Variants in DNAH5 observed in about 807,000 individuals in gnomAD.
The protein encoded by DNAH5 is axonemal beta dynein heavy chain 5.
Under a neutral mutation model 518.2 loss-of-function variants are expected in DNAH5, and 372 were observed. That is an observed-to-expected ratio of 0.72 (90% CI 0.66 to 0.78). The LOEUF (loss-of-function observed/expected upper bound fraction) is 0.78. Among genes scored for constraint, DNAH5 ranks in the 30% least tolerant of loss-of-function variants. The pLI is 0.00. For synonymous variants in DNAH5, 2,039 were observed against 2,025.9 expected, an observed-to-expected ratio of 1.01 and a Z score of -0.17; for missense variants, 5,523 against 5,687.0, an observed-to-expected ratio of 0.97 and a Z score of 0.93.
intron 1 of DNAH5, among the ~76,000 whole-genome samples, chr5:13,988,418 T>A (rs1308980774): frequency 3.9e-4 from 19 of 48,552 alleles, no homozygotes; most frequent in South Asian, 1.2e-3. Context: ...AAACACCAAT[T>A]TTTTTTTTTT....
Position 13,817,544 on chromosome 5 carries a change from C to T in DNAH5, c.6988+4G>A. The T allele has an allele frequency of 6.2e-7, 1 of 1,613,902 alleles. No individual in the cohort carries two copies. The highest frequency in any genetic ancestry group is 8.5e-7 in the Non-Finnish European group (1 of 1,179,788). ...AAAAATAATCCTTGTAATTTATCTT[C>T]TACCTTTCTTTGCTCTTAATGTTTT... On this transcript the variant is annotated splice_donor_region_variant and intron_variant, in intron 42 of 78. Coordinates refer to ENST00000265104, the MANE Select transcript of DNAH5 (RefSeq NM_001369.3).
At chr5:13,827,013 A>C (rs1762969521) in intron 38 of DNAH5, among the ~76,000 whole-genome samples, 1 of 152,172 alleles carries the variant, frequency 6.6e-6, no homozygotes, top group Non-Finnish European at 1.5e-5. Flanking sequence ...GTCTCAGATA[A>C]AGATGGGGAA....
At chr5:13,959,826 G>A (rs2076629008) in intron 1 of DNAH5, among the ~76,000 whole-genome samples, 3 of 152,144 alleles carry the variant, frequency 2.0e-5, no homozygotes, top group Admixed American at 2.0e-4. Flanking sequence ...AATTAGCCAG[G>A]CGTGGTGACA....
At chr5:13,744,488 T>C (rs925904278) in intron 65 of DNAH5, among the ~76,000 whole-genome samples, 1 of 152,036 alleles carries the variant, frequency 6.6e-6, no homozygotes, top group Admixed American at 6.6e-5. Flanking sequence ...AGGAGAATAT[T>C]GAATGTTCCC....
At chr5:13,756,427 G>A (rs1751009065) in intron 61 of DNAH5, among the ~76,000 whole-genome samples, 1 of 152,204 alleles carries the variant, frequency 6.6e-6, no homozygotes, top group African/African-American at 2.4e-5. Context: ...GTGGTCCCAT[G>A]ATTATTTACC....
chr5:13,760,277 C>T (rs1751599653), intron 60 of DNAH5, among the ~76,000 whole-genome samples: 1 of 152,210 alleles, frequency 6.6e-6, no homozygotes, highest in African/African-American at 2.4e-5. Context: ...CAAAATCCTT[C>T]AAACCCAATT....
chr5:13,777,447 A>G (rs1754276071), intron 53 of DNAH5, 92 bp from the exon 54 acceptor site: 5 of 1,167,148 alleles, frequency 4.3e-6, no homozygotes, highest in Non-Finnish European at 6.3e-6. Context: ...TTAGCTAACA[A>G]AAAAATGCTG....
chr5:13,991,433 G>A (rs902269214), intron 1 of DNAH5, among the ~76,000 whole-genome samples: 1 of 150,836 alleles, frequency 6.6e-6, no homozygotes, highest in African/African-American at 2.4e-5. Flanking sequence ...GACAGACCCA[G>A]ACCCAAGGAG....
At chr5:13,841,586 T>C in intron 33 of DNAH5, 106 bp downstream of exon 33, 1 of 844,144 alleles carries the variant, frequency 1.2e-6, no homozygotes, top group East Asian at 2.6e-5. Context: ...ATCTTAATAC[T>C]GGTCTAGAGT....
At chr5:13,733,199 T>C (rs1746859152) in intron 68 of DNAH5, among the ~76,000 whole-genome samples, 1 of 152,208 alleles carries the variant, frequency 6.6e-6, no homozygotes, top group Admixed American at 6.5e-5. Flanking sequence ...AACTGGAGTT[T>C]GAAAAGGGTA....
chr5:13,970,239 T>G (rs1470538750), intron 1 of DNAH5, among the ~76,000 whole-genome samples: 4 of 152,256 alleles, frequency 2.6e-5, no homozygotes, highest in Non-Finnish European at 5.9e-5. Context: ...TGGATTCTTA[T>G]GCATTCTGCC....
chr5:13,891,159 T>C, intron 16 of DNAH5, 38 bp from the exon 17 acceptor site: 2 of 1,610,362 alleles, frequency 1.2e-6, no homozygotes, highest in East Asian at 2.2e-5. Context: ...AGAGATTAGG[T>C]AAAGCATTTT....
intron 68 of DNAH5, among the ~76,000 whole-genome samples, chr5:13,730,219 T>C (rs2126578877): frequency 6.6e-6 from 1 of 152,334 alleles, no homozygotes; most frequent in Non-Finnish European, 1.5e-5. Context: ...CCAAAGCTCA[T>C]GTAACCCACG....
chr5:13,820,303 C>T (rs377307196), intron 41 of DNAH5, 43 bp downstream of exon 41: 1 of 1,601,108 alleles, frequency 6.2e-7, no homozygotes, highest in South Asian at 1.1e-5. Context: ...GTCACCACTA[C>T]TTAAATGGGC....
intron 1 of DNAH5, among the ~76,000 whole-genome samples, chr5:13,966,221 ATG>A (rs56780828): frequency 0.33 from 49,873 of 151,676 alleles, 8,374 homozygotes; most frequent in East Asian, 0.59. Flanking sequence ...GTATGTGTGT[ATG>A]TGTGTATATA....
Position 13,751,082 on chromosome 5 carries a change from TTC to T in DNAH5, c.11205_11206del (p.Lys3736AlafsTer27), listed in dbSNP as rs1750146544. On this transcript the variant is annotated frameshift_variant, in exon 65 of 79. Transcript: ENST00000265104. LOFTEE classifies it high-confidence loss of function. ...AGGGAGCCACACTTCACTCACCTGC[TTC>T]TCTGTGAGAATGACCCTCCCCAGTA... is the stretch of plus-strand genomic sequence containing the variant. 1 of 1,613,792 alleles carries T rather than the reference TTC, an allele frequency of 6.2e-7. No individual in the cohort carries two copies. The highest frequency in any genetic ancestry group is 8.5e-7 in the Non-Finnish European group (1 of 1,179,888).
intron 17 of DNAH5, among the ~76,000 whole-genome samples, chr5:13,889,001 A>G (rs11951520): frequency 1.4e-3 from 210 of 152,350 alleles, no homozygotes; most frequent in African/African-American, 4.7e-3. Context: ...CCATGTAGCA[A>G]CATGAAGAAT....
intron 54 of DNAH5, 96 bp from the exon 55 acceptor site, chr5:13,776,802 T>C (rs1580178010): frequency 7.1e-7 from 1 of 1,412,518 alleles, no homozygotes; most frequent in East Asian, 2.3e-5. Flanking sequence ...TCTCCATTTG[T>C]GTTCTTGAAC....
At chr5:13,829,852 G>T in intron 37 of DNAH5, 148 bp from the exon 38 acceptor site, 1 of 1,102,676 alleles carries the variant, frequency 9.1e-7, no homozygotes, top group Non-Finnish European at 1.4e-6. Flanking sequence ...ACCTGGACAG[G>T]CTAAGTCATG....
Sources: gnomAD v4.1 joint callset for allele counts (sites outside exome capture counted in the v4.1 genomes callset) on GRCh38, gnomAD v4.1.1 for gene constraint, MANE v1.5 for transcripts, NCBI Gene and HGNC (gene_info 2026-07-23, HGNC 2026-07-21) for gene names.